Variants in PPHLN1 observed in about 807,000 individuals in gnomAD.
PPHLN1 encodes the protein periphilin 1, also known as periphilin-1.
In PPHLN1, 29 loss-of-function variants were observed where a neutral mutation model predicts 51.3. That is an observed-to-expected ratio of 0.57 (90% CI 0.42 to 0.77). The LOEUF (loss-of-function observed/expected upper bound fraction) is 0.77. Among genes scored for constraint, PPHLN1 ranks in the 30% least tolerant of loss-of-function variants. The pLI, the probability that PPHLN1 is intolerant of heterozygous loss-of-function variation, is 0.00. For missense variants in PPHLN1, 436 were observed against 438.4 expected, an observed-to-expected ratio of 0.99 and a Z score of 0.05; for synonymous variants, 147 against 147.8, an observed-to-expected ratio of 0.99 and a Z score of 0.04.
chr12:42,343,181 A>G (rs2071747824), intron 2 of PPHLN1, among the ~76,000 whole-genome samples: 2 of 152,244 alleles, frequency 1.3e-5, no homozygotes, highest in East Asian at 1.9e-4. Context: ...TTTAAAATGT[A>G]TTAATGTTGA....
At chr12:42,445,788 T>G (rs1783882457), downstream of PPHLN1, 4 of 636,522 alleles carry the variant, frequency 6.3e-6, no homozygotes, top group Non-Finnish European at 7.7e-6. Flanking sequence ...GCACAAGCCT[T>G]ACTTACCCTT....
At chr12:42,402,110 A>G (rs2078897937) in intron 9 of PPHLN1, among the ~76,000 whole-genome samples, 1 of 152,086 alleles carries the variant, frequency 6.6e-6, no homozygotes, top group African/African-American at 2.4e-5. Flanking sequence ...CTACCCACCT[A>G]TTACAGGCGT....
rs10785340 is a variant in PPHLN1 at position 42,425,050 on chromosome 12, G to A, written c.910-16265G>A. ...TTTTTATTTTATTTTATGTATGTAT[G>A]TATGTATGTATGTATGTATGTATGT... On this transcript the variant is annotated intron_variant, in intron 9 of 9. Transcript: ENST00000358314. Among the ~76,000 whole-genome samples, 394 of 102,670 alleles carry A rather than the reference G, an allele frequency of 3.8e-3. 1 individual carries two copies. The highest frequency in any genetic ancestry group is 2.9e-3 in the Non-Finnish European group (149 of 51,074). The allele number at this position is 102,670 out of a possible 152,430, so 67.4% of individuals were successfully genotyped here.
At chr12:42,421,299 A>G (rs980505389) in intron 9 of PPHLN1, among the ~76,000 whole-genome samples, 9 of 152,142 alleles carry the variant, frequency 5.9e-5, no homozygotes, top group Non-Finnish European at 2.9e-5. Context: ...AGTAACCTGG[A>G]AAAATTGATC....
At position 42,335,923 on chromosome 12, in the gene PPHLN1, T is replaced by C. The variant is rs1233077833; in HGVS notation, c.21T>C (p.Tyr7=). MWSEGR[Y]EYERIPRERA... is the part of the protein sequence containing the mutation. Reference sequence around the variant, plus strand: ...ACGAAATGTGGTCTGAGGGACGATATGAATATGAAAGAATTCCGAGAGAAC... The same window carrying C: ...ACGAAATGTGGTCTGAGGGACGATACGAATATGAAAGAATTCCGAGAGAAC... The change falls in exon 2 of 10, where the codon TAT becomes TAC. Residue 7 remains tyrosine (Y), a synonymous_variant. Coordinates refer to ENST00000358314, the MANE Select transcript of PPHLN1 (RefSeq NM_201439.2). 7.6e-6 allele frequency: 12 copies of C among 1,587,688 alleles called. No homozygotes were observed. Among genetic ancestry groups the C allele is most frequent in the Middle Eastern group, 1.7e-4 (1 of 5,992 alleles).
At chr12:42,425,830 G>T (rs2081409354) in intron 9 of PPHLN1, among the ~76,000 whole-genome samples, 1 of 152,230 alleles carries the variant, frequency 6.6e-6, no homozygotes, top group South Asian at 2.1e-4. Context: ...TCCTGTGTGT[G>T]TATACACGAT....
chr12:42,398,937 TAGTC>T lies in PPHLN1; in HGVS notation c.855_858del (p.Gln286Ter). On this transcript the variant is annotated frameshift_variant, in exon 9 of 10. Transcript: ENST00000358314. LOFTEE classifies it high-confidence loss of function. ...CACATGGGATAGAATTATTTGAAGATAGTCAGCTAACCACTCGCTCTAAAGCAAT... is the reference window on the plus strand; with the variant it reads ...CACATGGGATAGAATTATTTGAAGATAGCTAACCACTCGCTCTAAAGCAAT... The T allele has an allele frequency of 6.2e-7, 1 of 1,614,094 alleles. No individual in the cohort carries two copies. The highest frequency in any genetic ancestry group is 1.1e-5 in the South Asian group (1 of 91,086).
chr12:42,443,175 C>T (rs1441101255), downstream of PPHLN1: 1 of 153,634 alleles, frequency 6.5e-6, no homozygotes, highest in East Asian at 1.9e-4. Context: ...GATAAAGATA[C>T]CAAAGAGGAA....
At chr12:42,446,670 C>T, downstream of PPHLN1, 2 of 1,570,936 alleles carry the variant, frequency 1.3e-6, no homozygotes, top group Non-Finnish European at 1.7e-6. Context: ...CGTCAATCAA[C>T]AAAACCTGAT....
At chr12:42,379,756 T>C (rs1206378493) in intron 5 of PPHLN1, among the ~76,000 whole-genome samples, 1 of 152,094 alleles carries the variant, frequency 6.6e-6, no homozygotes, top group Non-Finnish European at 1.5e-5. Flanking sequence ...TAATTAACTT[T>C]GGCTTATTCT....
At chr12:42,384,200 G>A (rs2077003760) in intron 5 of PPHLN1, among the ~76,000 whole-genome samples, 1 of 151,652 alleles carries the variant, frequency 6.6e-6, no homozygotes, top group African/African-American at 2.4e-5. Flanking sequence ...TTTAAGGCAA[G>A]ATGCTGATAG....
At chr12:42,348,484 A>G (rs1359406598) in intron 2 of PPHLN1, among the ~76,000 whole-genome samples, 2 of 152,088 alleles carry the variant, frequency 1.3e-5, no homozygotes, top group African/African-American at 4.8e-5. Flanking sequence ...TTTTCTAAAT[A>G]AGTAACTAAG....
intron 5 of PPHLN1, among the ~76,000 whole-genome samples, chr12:42,377,609 G>A (rs1161258068): frequency 1.3e-5 from 2 of 151,994 alleles, no homozygotes; most frequent in Non-Finnish European, 2.9e-5. Context: ...CTGCCCTTAC[G>A]ACCTGTTTTT....
At chr12:42,360,001 G>A (rs1208180722) in intron 4 of PPHLN1, among the ~76,000 whole-genome samples, 2 of 151,616 alleles carry the variant, frequency 1.3e-5, no homozygotes, top group African/African-American at 4.9e-5. Context: ...CCAGCTACTC[G>A]GGAGGCTGAA....
In PPHLN1 at chr12:42,345,369, GT is replaced by G. The variant is rs971602923; in HGVS notation, c.73-6506del. ...CAAAAGTATTTAAGTTTATGTGCAA[GT>G]TTTTTTTTTAATACCCTGCCAGAGT... On this transcript the variant is annotated intron_variant, in intron 2 of 9. Coordinates refer to ENST00000358314, the MANE Select transcript of PPHLN1 (RefSeq NM_201439.2). Among the ~76,000 whole-genome samples the G allele has an allele frequency of 7.4e-5, 11 of 148,702 alleles. 1 individual carries two copies. The highest frequency in any genetic ancestry group is 1.2e-4 in the African/African-American group (5 of 40,668).
intron 5 of PPHLN1, among the ~76,000 whole-genome samples, chr12:42,377,919 A>G (rs1218617397): frequency 1.3e-5 from 2 of 152,136 alleles, no homozygotes; most frequent in Non-Finnish European, 2.9e-5. Flanking sequence ...CCGTAACGTG[A>G]TGCTCCTGTC....
At chr12:42,386,563 G>A (rs906265271) in intron 6 of PPHLN1, among the ~76,000 whole-genome samples, 2 of 152,160 alleles carry the variant, frequency 1.3e-5, no homozygotes, top group Non-Finnish European at 2.9e-5. Flanking sequence ...CCACTGTCCA[G>A]TCTCGACCAG....
chr12:42,410,108 G>T (rs1162136149), intron 9 of PPHLN1, among the ~76,000 whole-genome samples: 1 of 151,506 alleles, frequency 6.6e-6, no homozygotes, highest in Non-Finnish European at 1.5e-5. Flanking sequence ...TGTAGCTTTG[G>T]AAAAGCTTAA....
chr12:42,417,939 TTTTG>T (rs2080573827), intron 9 of PPHLN1, among the ~76,000 whole-genome samples: 1 of 49,840 alleles, frequency 2.0e-5, no homozygotes, highest in Non-Finnish European at 6.2e-5. Flanking sequence ...TTTGTTTTTT[TTTTG>T]TTTTTTTTTT....
Sources: allele counts gnomAD v4.1 joint callset (sites outside exome capture counted in the v4.1 genomes callset), GRCh38; gene constraint gnomAD v4.1.1; transcripts MANE v1.5; gene names NCBI Gene and HGNC (gene_info 2026-07-23, HGNC 2026-07-21).